The following TRIO variants were observed in gnomAD, a reference collection of about 807,000 sequenced individuals.
TRIO encodes the protein trio Rho guanine nucleotide exchange factor, also known as triple functional domain protein.
In TRIO, 58 loss-of-function variants were observed where a neutral mutation model predicts 351.9. The ratio of observed to expected loss-of-function variants is 0.16; its 90% CI spans 0.13 to 0.21. The LOEUF (loss-of-function observed/expected upper bound fraction) is 0.21. Ranked by LOEUF, TRIO falls within the 10% of genes least tolerant of loss-of-function variation. The pLI, the probability that TRIO is intolerant of heterozygous loss-of-function variation, is 1.00. For synonymous variants in TRIO, 1,758 were observed against 1,595.7 expected (o/e 1.10, Z -2.42); for missense variants, 3,201 against 4,027.8 (o/e 0.79, Z 5.56).
intron 7 of TRIO, among the ~76,000 whole-genome samples, chr5:14,299,662 C>T (rs891223260): frequency 6.6e-6 from 1 of 152,202 alleles, no homozygotes; most frequent in Non-Finnish European, 1.5e-5. Flanking sequence ...GATTTGCCTT[C>T]TAGTTATGCT....
At chr5:14,356,890 C>T (rs1315110001) in intron 11 of TRIO, among the ~76,000 whole-genome samples, 1 of 152,138 alleles carries the variant, frequency 6.6e-6, no homozygotes, top group African/African-American at 2.4e-5. Context: ...ACATACTGTC[C>T]CATTCCAGTT....
chr5:14,461,345 G>A lies in TRIO; in HGVS notation c.5496+34G>A, dbSNP rs62345056. On this transcript the variant is annotated intron_variant, in intron 35 of 56. Coordinates refer to ENST00000344204, the MANE Select transcript of TRIO (RefSeq NM_007118.4). Reference sequence around the variant, plus strand: ...CTGCCCGCTGGTTGGGGCCGGCGTGGCGGGGCCCGCTGGGCTTTTGCTGCA... The same window carrying A: ...CTGCCCGCTGGTTGGGGCCGGCGTGACGGGGCCCGCTGGGCTTTTGCTGCA... The A allele has an allele frequency of 2.8e-3, 4,122 of 1,486,818 alleles. 19 individuals carry two copies. Among genetic ancestry groups the A allele is most frequent in the Non-Finnish European group, 2.8e-3 (3,174 of 1,121,310 alleles). 92.1% of individuals were successfully genotyped at this position (1,486,818 alleles called of 1,614,324 possible).
chr5:14,183,035 G>A (rs1448494115), intron 1 of TRIO, among the ~76,000 whole-genome samples: 1 of 152,182 alleles, frequency 6.6e-6, no homozygotes, highest in Non-Finnish European at 1.5e-5. Context: ...GCAGCACCAG[G>A]TAGACAACAG....
intron 34 of TRIO, among the ~76,000 whole-genome samples, chr5:14,422,538 C>G (rs976754602): frequency 6.6e-6 from 1 of 152,174 alleles, no homozygotes; most frequent in African/African-American, 2.4e-5. Context: ...TGCAATGAGT[C>G]TAATTACTCA....
chr5:14,222,791 C>G (rs1792728979), intron 1 of TRIO, among the ~76,000 whole-genome samples: 1 of 152,204 alleles, frequency 6.6e-6, no homozygotes, highest in African/African-American at 2.4e-5. Flanking sequence ...GGTAAGAATC[C>G]TGAAGCCCCA....
chr5:14,384,917 T>G (rs1295470634), intron 21 of TRIO, among the ~76,000 whole-genome samples: 2 of 151,398 alleles, frequency 1.3e-5, no homozygotes, highest in East Asian at 1.9e-4. Context: ...TACAAATCAA[T>G]AAGGAAAAAA....
intron 20 of TRIO, among the ~76,000 whole-genome samples, chr5:14,379,879 C>T (rs2152352606): frequency 6.6e-6 from 1 of 152,324 alleles, no homozygotes; most frequent in Admixed American, 6.5e-5. Context: ...CAATATGCAG[C>T]ACATACCCAG....
chr5:14,395,423 C>T (rs2152369438), intron 28 of TRIO, among the ~76,000 whole-genome samples: 1 of 152,320 alleles, frequency 6.6e-6, no homozygotes, highest in South Asian at 2.1e-4. Flanking sequence ...TGTAGTTCTG[C>T]TAAACTGGTG....
chr5:14,401,878 C>G (rs568218929), intron 31 of TRIO, among the ~76,000 whole-genome samples: 9 of 152,244 alleles, frequency 5.9e-5, no homozygotes, highest in Admixed American at 4.6e-4. Context: ...TAATGGGACT[C>G]TGGTGTATGA....
chr5:14,155,012 C>G (rs964663499), intron 1 of TRIO, among the ~76,000 whole-genome samples: 1 of 152,180 alleles, frequency 6.6e-6, no homozygotes, highest in Admixed American at 6.5e-5. Context: ...AAAGGTGATA[C>G]AAAGCTCAGG....
chr5:14,415,336 CTCAG>C (rs534671930), intron 33 of TRIO, among the ~76,000 whole-genome samples: 200 of 152,284 alleles, frequency 1.3e-3, no homozygotes, highest in Non-Finnish European at 2.2e-3. Context: ...CCCCCTCTTC[CTCAG>C]GCAGAGCTTG....
At chr5:14,402,702 A>T (rs1044955141) in intron 31 of TRIO, among the ~76,000 whole-genome samples, 5 of 151,356 alleles carry the variant, frequency 3.3e-5, no homozygotes, top group African/African-American at 1.2e-4. Flanking sequence ...TGATGGGGGT[A>T]TGGGTACAGA....
chr5:14,497,709 A>C lies in TRIO; in HGVS notation c.8020-138A>C, dbSNP rs1561562426. On this transcript the variant is annotated intron_variant, in intron 50 of 56. Transcript: ENST00000344204. The surrounding 1 kb of genome is among the most constrained non-coding windows in gnomAD (Gnocchi z 4.4). ...ACATGAAACTTTTGAGTGCAGTGAA[A>C]ATGTGGTCTGTTTTGATTGATGCCC... is the stretch of plus-strand genomic sequence containing the variant. 9.1e-7 allele frequency: 1 copy of C among 1,101,524 alleles called. No individual in the cohort carries two copies. The highest frequency in any genetic ancestry group is 2.4e-5 in the East Asian group (1 of 42,494). 68.2% of individuals were successfully genotyped at this position (1,101,524 alleles called of 1,614,324 possible). A position where few individuals can be genotyped will look rare whatever the true frequency, so the allele number is the denominator to read the frequency against.
intron 33 of TRIO, among the ~76,000 whole-genome samples, chr5:14,410,579 C>T (rs955357829): frequency 2.0e-5 from 3 of 152,170 alleles, no homozygotes; most frequent in Non-Finnish European, 2.9e-5. Context: ...AATCACTTAA[C>T]GACATTCTGC....
intron 34 of TRIO, among the ~76,000 whole-genome samples, chr5:14,427,683 C>T (rs958320273): frequency 2.0e-5 from 3 of 152,134 alleles, no homozygotes; most frequent in African/African-American, 7.2e-5. Context: ...GGGGCAGTCA[C>T]GTCAGGATGG....
At position 14,280,408 on chromosome 5, in the gene TRIO, C is replaced by G. The variant is rs1444903893; in HGVS notation, c.319C>G (p.Leu107Val). 1 of 1,614,136 alleles carries G rather than the reference C, an allele frequency of 6.2e-7. No individual in the cohort carries two copies. The highest frequency in any genetic ancestry group is 8.5e-7 in the Non-Finnish European group (1 of 1,179,992). Residue 107 changes from leucine to valine, a missense_variant, in exon 3 of 57, where the codon CTC (leucine) becomes GTC (valine). Leu to Val is a conservative substitution (Grantham distance 32). This residue lies in a region of TRIO where 109 missense variants were observed against 134.6 expected (regional missense o/e 0.81). Transcript: ENST00000344204. Reference protein sequence around the residue: ...DRIRQEDLRRLISYLACIPSE... With the variant: ...DRIRQEDLRRVISYLACIPSE... ...AATACGACAGGAGGATCTCAGGAGA[C>G]TCATTTCCTATCTAGCCTGTATTCC...
At chr5:14,204,810 C>T (rs1293431855) in intron 1 of TRIO, among the ~76,000 whole-genome samples, 1 of 152,200 alleles carries the variant, frequency 6.6e-6, no homozygotes. Context: ...GACTCTGTTT[C>T]CTCACTGTAA....
At chr5:14,451,289 C>A (rs925654121) in intron 34 of TRIO, among the ~76,000 whole-genome samples, 8 of 151,858 alleles carry the variant, frequency 5.3e-5, no homozygotes, top group Non-Finnish European at 1.0e-4. Flanking sequence ...TTTATGTGAT[C>A]TGTAAGAGAA....
At chr5:14,351,458 G>C (rs1320314422) in intron 11 of TRIO, among the ~76,000 whole-genome samples, 1 of 152,132 alleles carries the variant, frequency 6.6e-6, no homozygotes, top group African/African-American at 2.4e-5. Context: ...TACTTCCCCT[G>C]CTGGCCCTAT....
Sources: allele counts gnomAD v4.1 joint callset (sites outside exome capture counted in the v4.1 genomes callset), GRCh38; gene constraint gnomAD v4.1.1; regional missense constraint gnomAD v4.1.1; non-coding constraint Gnocchi (gnomAD v3.1); transcripts MANE v1.5; gene names NCBI Gene and HGNC (gene_info 2026-07-23, HGNC 2026-07-21).